The following PTPRM variants were observed in gnomAD, a reference collection of about 807,000 sequenced individuals.
PTPRM encodes receptor-type tyrosine-protein phosphatase mu.
Under a neutral mutation model 186.7 loss-of-function variants are expected in PTPRM, and 47 were observed. The observed-to-expected ratio is 0.25, with a 90% CI of 0.20 to 0.32. The LOEUF (loss-of-function observed/expected upper bound fraction) is 0.32, where lower values mean the gene tolerates loss of function less well. Among genes scored for constraint, PTPRM ranks in the 10% least tolerant of loss-of-function variants. The pLI, the probability that PTPRM is intolerant of heterozygous loss-of-function variation, is 1.00. For missense variants in PTPRM, 1,494 were observed against 1,865.0 expected, an observed-to-expected ratio of 0.80 and a Z score of 3.66; for synonymous variants, 668 against 674.9, an observed-to-expected ratio of 0.99 and a Z score of 0.16.
chr18:7,974,270 G>A (rs750845797), intron 7 of PTPRM, among the ~76,000 whole-genome samples: 9 of 152,134 alleles, frequency 5.9e-5, no homozygotes, highest in African/African-American at 9.7e-5. Flanking sequence ...ATTCTCCTAG[G>A]CTTTGAGGAT....
chr18:7,979,953 T>C (rs73383815), intron 7 of PTPRM, among the ~76,000 whole-genome samples: 11,254 of 152,234 alleles, frequency 0.074, 887 homozygotes, highest in African/African-American at 0.2. Context: ...GGGCTGTGTC[T>C]TCAGCCCAGC....
intron 23 of PTPRM, among the ~76,000 whole-genome samples, chr18:8,367,890 C>T (rs985720697): frequency 1.3e-5 from 2 of 152,176 alleles, no homozygotes; most frequent in East Asian, 1.9e-4. Flanking sequence ...AAATATCATA[C>T]ATCAATTGCA....
At chr18:8,263,496 G>T (rs1359557712) in intron 19 of PTPRM, among the ~76,000 whole-genome samples, 1 of 152,118 alleles carries the variant, frequency 6.6e-6, no homozygotes, top group African/African-American at 2.4e-5. Context: ...TTTGTGCCTG[G>T]TTCCTGACAC....
At chr18:7,695,323 A>G (rs926114285) in intron 1 of PTPRM, among the ~76,000 whole-genome samples, 1 of 152,196 alleles carries the variant, frequency 6.6e-6, no homozygotes, top group African/African-American at 2.4e-5. Context: ...TTTTGTCTAC[A>G]TGAACACAAT....
intron 1 of PTPRM, among the ~76,000 whole-genome samples, chr18:7,603,814 C>A (rs924633832): frequency 2.0e-4 from 30 of 152,176 alleles, no homozygotes; most frequent in African/African-American, 6.8e-4. Flanking sequence ...AGCATTGATC[C>A]CTGCTGCTGT....
intron 7 of PTPRM, among the ~76,000 whole-genome samples, chr18:7,987,302 G>C (rs2083015711): frequency 6.6e-6 from 1 of 152,232 alleles, no homozygotes. Flanking sequence ...GAGGAAAGTT[G>C]ACTTGGTTAT....
rs71354588 is a variant in PTPRM at position 8,023,870 on chromosome 18, A to ACACACGCG, written c.1133-45815_1133-45814insACACGCGC. 7.2e-4 allele frequency among the ~76,000 whole-genome samples: 107 copies of ACACACGCG among 149,380 alleles called. 3 individuals are homozygous for ACACACGCG. Among genetic ancestry groups the ACACACGCG allele is most frequent in the African/African-American group, 1.8e-3 (74 of 40,338 alleles). On this transcript the variant is annotated intron_variant, in intron 7 of 32. Transcript: ENST00000580170. ...CACACACACACACACACACACACAC[A>ACACACGCG]CGCACACCCCTCCTATGAATGAACC...
chr18:8,213,808 C>A (rs563481022), intron 14 of PTPRM, among the ~76,000 whole-genome samples: 1 of 152,124 alleles, frequency 6.6e-6, no homozygotes, highest in Non-Finnish European at 1.5e-5. Flanking sequence ...TGCATGCATG[C>A]GCTTGTCACT....
rs538744954 is a variant in PTPRM at position 7,859,130 on chromosome 18, C to T, written c.197-28976C>T. On this transcript the variant is annotated intron_variant, in intron 2 of 32. Transcript: ENST00000580170. ...ACTGATATTCCCAGTTTTGTGTAAA[C>T]GTCTACAAAATGAGTTCTATCTAAA... Among the ~76,000 whole-genome samples, 15 of 152,172 alleles carry T rather than the reference C, an allele frequency of 9.9e-5. No individual in the cohort carries two copies. In the East Asian group the frequency reaches 1.9e-3, roughly 20 times the overall value.
At chr18:8,222,965 A>G (rs2094171030) in intron 14 of PTPRM, among the ~76,000 whole-genome samples, 1 of 152,118 alleles carries the variant, frequency 6.6e-6, no homozygotes, top group South Asian at 2.1e-4. Flanking sequence ...GCTCACACCT[A>G]TAATCCCAAC....
intron 14 of PTPRM, among the ~76,000 whole-genome samples, chr18:8,182,529 C>A (rs1328387696): frequency 6.6e-6 from 1 of 152,218 alleles, no homozygotes; most frequent in Non-Finnish European, 1.5e-5. Context: ...TGTTGCTAAG[C>A]TGACTTCCAA....
At chr18:7,613,216 T>C (rs528067307) in intron 1 of PTPRM, among the ~76,000 whole-genome samples, 12 of 152,352 alleles carry the variant, frequency 7.9e-5, no homozygotes, top group African/African-American at 2.2e-4. Context: ...CCTGTAAGGA[T>C]GTTGCATGGA....
At chr18:8,072,339 A>G (rs2148457019) in intron 8 of PTPRM, among the ~76,000 whole-genome samples, 1 of 152,322 alleles carries the variant, frequency 6.6e-6, no homozygotes, top group East Asian at 1.9e-4. Context: ...ATGAGCTAGG[A>G]ATTCTGTTAA....
chr18:7,974,488 C>A (rs9955279), intron 7 of PTPRM, among the ~76,000 whole-genome samples: 4 of 152,036 alleles, frequency 2.6e-5, no homozygotes, highest in African/African-American at 9.7e-5. Flanking sequence ...GGTTTTAATC[C>A]GGACGTTTTG....
intron 4 of PTPRM, among the ~76,000 whole-genome samples, chr18:7,911,181 A>G (rs561548629): frequency 1.5e-4 from 23 of 152,282 alleles, no homozygotes; most frequent in African/African-American, 5.1e-4. Context: ...GCATCAGTTG[A>G]TGGACATTCA....
intron 13 of PTPRM, among the ~76,000 whole-genome samples, chr18:8,133,086 C>T (rs554831490): frequency 1.3e-5 from 2 of 152,276 alleles, no homozygotes; most frequent in South Asian, 4.1e-4. Flanking sequence ...GAGGAGAAAT[C>T]AGACCAAACT....
rs946856092 is a variant in PTPRM, at chr18:7,867,278, A to G, written c.197-20828A>G. Among the ~76,000 whole-genome samples, 3 of 152,048 alleles carry G rather than the reference A, an allele frequency of 2.0e-5. No individual in the cohort carries two copies. The South Asian group carries it at 6.2e-4, about 32-fold the overall frequency. On this transcript the variant is annotated intron_variant, in intron 2 of 32. Transcript: ENST00000580170. ...GTTATTTTGCCTGTTAGTTAATGCAATTTCTTCATAGTGTCGATGTTCTTT... is the reference window on the plus strand; with the variant it reads ...GTTATTTTGCCTGTTAGTTAATGCAGTTTCTTCATAGTGTCGATGTTCTTT...
At chr18:7,639,153 C>T (rs1342760787) in intron 1 of PTPRM, among the ~76,000 whole-genome samples, 1 of 151,816 alleles carries the variant, frequency 6.6e-6, no homozygotes, top group Non-Finnish European at 1.5e-5. Flanking sequence ...CCACTCACTG[C>T]AAGCTCCACC....
intron 11 of PTPRM, among the ~76,000 whole-genome samples, chr18:8,109,118 G>C (rs972725918): frequency 6.6e-6 from 1 of 152,204 alleles, no homozygotes; most frequent in African/African-American, 2.4e-5. Flanking sequence ...AAACTCATTA[G>C]TGAAGTGATG....
Sources: allele counts gnomAD v4.1 joint callset (sites outside exome capture counted in the v4.1 genomes callset), GRCh38; gene constraint gnomAD v4.1.1; transcripts MANE v1.5; gene names NCBI Gene and HGNC (gene_info 2026-07-23, HGNC 2026-07-21).